The following NKAIN3 variants were observed in gnomAD, a reference collection of about 807,000 sequenced individuals.
The protein encoded by NKAIN3 is sodium/potassium-transporting ATPase subunit beta-1-interacting protein 3.
In NKAIN3, 25 loss-of-function variants were observed where a neutral mutation model predicts 30.2. That is an observed-to-expected ratio of 0.83 (90% CI 0.60 to 1.16). The LOEUF (loss-of-function observed/expected upper bound fraction) is 1.16. Ranked by LOEUF, NKAIN3 falls within the 50% of genes most tolerant of loss-of-function variation. The pLI is 0.00. For missense variants in NKAIN3, 225 were observed against 254.1 expected, an observed-to-expected ratio of 0.89 and a Z score of 0.78; for synonymous variants, 91 against 89.6, an observed-to-expected ratio of 1.02 and a Z score of -0.09.
intron 4 of NKAIN3, among the ~76,000 whole-genome samples, chr8:62,785,508 T>C (rs1817486690): frequency 6.6e-6 from 1 of 152,096 alleles, no homozygotes; most frequent in Non-Finnish European, 1.5e-5. Flanking sequence ...AAAATTAGAT[T>C]GTGGTGATAG....
At chr8:62,445,997 C>T (rs144989633) in intron 1 of NKAIN3, among the ~76,000 whole-genome samples, 1 of 152,226 alleles carries the variant, frequency 6.6e-6, no homozygotes, top group Non-Finnish European at 1.5e-5. Context: ...TTTAGAGTGG[C>T]AAGAAATGAT....
At chr8:62,737,023 A>G (rs375549717) in intron 3 of NKAIN3, among the ~76,000 whole-genome samples, 1 of 152,168 alleles carries the variant, frequency 6.6e-6, no homozygotes, top group Non-Finnish European at 1.5e-5. Context: ...TCTTCCACCC[A>G]TTGGGCACTC....
chr8:62,915,217 C>T (rs1413951599), intron 4 of NKAIN3, among the ~76,000 whole-genome samples: 1 of 152,134 alleles, frequency 6.6e-6, no homozygotes, highest in Non-Finnish European at 1.5e-5. Flanking sequence ...ATCTCTGGAA[C>T]CTGTGAATAA....
At chr8:62,495,200 T>C (rs1807197496) in intron 1 of NKAIN3, among the ~76,000 whole-genome samples, 1 of 152,048 alleles carries the variant, frequency 6.6e-6, no homozygotes, top group South Asian at 2.1e-4. Context: ...TTTCATGTAG[T>C]TTATATGAAT....
intron 5 of NKAIN3, among the ~76,000 whole-genome samples, chr8:62,928,516 A>G (rs546059631): frequency 6.6e-6 from 1 of 152,182 alleles, no homozygotes; most frequent in East Asian, 1.9e-4. Context: ...AGCTTGTGTC[A>G]GAGACTGGCT....
At chr8:62,554,747 T>C (rs750938232) in intron 1 of NKAIN3, among the ~76,000 whole-genome samples, 5 of 152,084 alleles carry the variant, frequency 3.3e-5, no homozygotes, top group Non-Finnish European at 5.9e-5. Context: ...AAGATATGCT[T>C]AACAATAATC....
chr8:62,382,839 T>TA (rs1817318906), intron 1 of NKAIN3, among the ~76,000 whole-genome samples: 2 of 152,194 alleles, frequency 1.3e-5, no homozygotes, highest in Non-Finnish European at 2.9e-5. Context: ...CCAAAATTTC[T>TA]TTCACAGTTT....
intron 4 of NKAIN3, among the ~76,000 whole-genome samples, chr8:62,794,702 G>T (rs1350647553): frequency 6.6e-6 from 1 of 152,166 alleles, no homozygotes; most frequent in Non-Finnish European, 1.5e-5. Flanking sequence ...AATAATGTCA[G>T]ACTTCCTGGT....
intron 3 of NKAIN3, among the ~76,000 whole-genome samples, chr8:62,675,493 GGT>G (rs1195272873): frequency 2.0e-5 from 3 of 152,210 alleles, no homozygotes; most frequent in African/African-American, 7.2e-5. Flanking sequence ...GATTTATGCA[GGT>G]GATGGAAAGT....
At chr8:62,824,491 AACAC>A (rs6150612) in intron 4 of NKAIN3, among the ~76,000 whole-genome samples, 9,197 of 148,558 alleles carry the variant, frequency 0.062, 462 homozygotes, top group African/African-American at 0.14. Context: ...CCACCTCTTC[AACAC>A]ACACACACAC....
chr8:62,442,419 C>T (rs1441600068), intron 1 of NKAIN3, among the ~76,000 whole-genome samples: 1 of 151,810 alleles, frequency 6.6e-6, no homozygotes. Flanking sequence ...AGCATTAATA[C>T]CTGGAGATAT....
intron 2 of NKAIN3, among the ~76,000 whole-genome samples, chr8:62,581,147 TA>T (rs1353898965): frequency 1.3e-5 from 2 of 148,912 alleles, no homozygotes; most frequent in Admixed American, 6.7e-5. Context: ...TAAAATAAAA[TA>T]AAATAAAATA....
At chr8:62,999,462 G>A (rs1326414827) in exon 6 of NKAIN3, 1 of 152,200 alleles carries the variant, frequency 6.6e-6, no homozygotes, top group African/African-American at 2.4e-5. Context: ...CCATCCTCAT[G>A]ACACAAACAC....
chr8:62,502,423 G>A (rs558203774), intron 1 of NKAIN3, among the ~76,000 whole-genome samples: 22 of 151,974 alleles, frequency 1.4e-4, no homozygotes, highest in African/African-American at 4.3e-4. Context: ...AAAATCTAGC[G>A]GCCCCTTTCC....
intron 4 of NKAIN3, among the ~76,000 whole-genome samples, chr8:62,889,302 G>A (rs935488807): frequency 2.6e-5 from 4 of 152,022 alleles, no homozygotes; most frequent in South Asian, 2.1e-4. Context: ...CCTGGGAGGC[G>A]GAGGTTACAG....
intron 1 of NKAIN3, among the ~76,000 whole-genome samples, chr8:62,318,194 T>A (rs1814725107): frequency 6.6e-6 from 1 of 152,162 alleles, no homozygotes; most frequent in South Asian, 2.1e-4. Context: ...AAGATGGGGT[T>A]TTCTAGATAT....
At chr8:62,282,632 A>G (rs181466838) in intron 1 of NKAIN3, among the ~76,000 whole-genome samples, 65 of 152,312 alleles carry the variant, frequency 4.3e-4, no homozygotes, top group African/African-American at 1.4e-3. Flanking sequence ...TAATGAAATT[A>G]CCTGATAAAA....
chr8:62,960,990 GAC>G (rs775861911), intron 6 of NKAIN3, among the ~76,000 whole-genome samples: 1 of 152,004 alleles, frequency 6.6e-6, no homozygotes, highest in African/African-American at 2.4e-5. Flanking sequence ...TTAAAAGTGG[GAC>G]AACCAGGCCG....
intron 6 of NKAIN3, among the ~76,000 whole-genome samples, chr8:62,964,537 A>T (rs376444367): frequency 5.4e-4 from 72 of 133,224 alleles, no homozygotes; most frequent in South Asian, 3.1e-3. Context: ...AGAGAGAGAG[A>T]GTGTGTGTGT....
Sources: allele counts gnomAD v4.1 joint callset (sites outside exome capture counted in the v4.1 genomes callset), GRCh38; gene constraint gnomAD v4.1.1; transcripts MANE v1.5; gene names NCBI Gene and HGNC (gene_info 2026-07-23, HGNC 2026-07-21).